Variants in ANGPTL7 observed in about 807,000 individuals in gnomAD.
ANGPTL7 encodes angiopoietin-related protein 7.
In ANGPTL7, 37 loss-of-function variants were observed where a neutral mutation model predicts 38.8. That is an observed-to-expected ratio of 0.95 (90% CI 0.73 to 1.25). The LOEUF (loss-of-function observed/expected upper bound fraction) is 1.25. ANGPTL7 is among the 50% of genes most tolerant of loss of function. ANGPTL7 has a pLI of 0.00. For synonymous variants in ANGPTL7, 166 were observed against 163.2 expected, an observed-to-expected ratio of 1.02 and a Z score of -0.13; for missense variants, 427 against 438.6, an observed-to-expected ratio of 0.97 and a Z score of 0.24.
At chr1:11,190,439 G>A (rs1285701347) in intron 1 of ANGPTL7, among the ~76,000 whole-genome samples, 1 of 152,248 alleles carries the variant, frequency 6.6e-6, no homozygotes, top group African/African-American at 2.4e-5. Context: ...CTCTGTAAAC[G>A]TAACTCTTCT....
intron 2 of ANGPTL7, 61 bp from the exon 3 acceptor site, chr1:11,193,519 C>G (rs1645634310): frequency 4.1e-6 from 6 of 1,475,988 alleles, no homozygotes; most frequent in Non-Finnish European, 5.5e-6. Context: ...GGGAAGCCTG[C>G]CCTCTTGCTC....
chr1:11,193,811 T>C, intron 3 of ANGPTL7, 37 bp downstream of exon 3: 4 of 1,607,268 alleles, frequency 2.5e-6, no homozygotes, highest in Non-Finnish European at 3.4e-6. Flanking sequence ...ACTGGACCAG[T>C]GCCACCACAC....
chr1:11,194,390 G>A, intron 3 of ANGPTL7, 71 bp from the exon 4 acceptor site: 1 of 1,439,376 alleles, frequency 6.9e-7, no homozygotes, highest in Non-Finnish European at 9.8e-7. Flanking sequence ...ACTGTCAGGA[G>A]AGAAGGGGTA....
At position 11,189,828 on chromosome 1, in the gene ANGPTL7, G is replaced by C; in HGVS notation, c.249G>C (p.Glu83Asp). The change falls in exon 1 of 5, where the codon GAG (glutamate) becomes GAC (aspartate). Residue 83 changes from glutamate to aspartate, a missense_variant. Glu to Asp is a conservative substitution (Grantham distance 45). Transcript: ENST00000376819. ...TCAGCGTGGTCATGCAGGTGATGGAGCTGGAGAGCAACAGCAAGCGCATGG... is the reference window on the plus strand; with the variant it reads ...TCAGCGTGGTCATGCAGGTGATGGACCTGGAGAGCAACAGCAAGCGCATGG... ...DWVSVVMQVM[E>D]LESNSKRMES... The C allele has an allele frequency of 6.2e-7, 1 of 1,614,236 alleles. No homozygotes were observed. The highest frequency in any genetic ancestry group is 1.3e-5 in the African/African-American group (1 of 75,058).
intron 1 of ANGPTL7, among the ~76,000 whole-genome samples, chr1:11,191,397 A>G (rs1299969278): frequency 6.6e-6 from 1 of 152,084 alleles, no homozygotes; most frequent in African/African-American, 2.4e-5. Flanking sequence ...TCTGCAAGAG[A>G]ACCTATGTGC....
intron 3 of ANGPTL7, among the ~76,000 whole-genome samples, 185 bp downstream of exon 3, chr1:11,193,959 C>T (rs1271826089): frequency 6.6e-6 from 1 of 152,154 alleles, no homozygotes; most frequent in African/African-American, 2.4e-5. Flanking sequence ...ACCCCCCCAA[C>T]CCCCCGACAA....
chr1:11,194,329 G>A (rs895208641), intron 3 of ANGPTL7, 132 bp from the exon 4 acceptor site: 10 of 851,482 alleles, frequency 1.2e-5, no homozygotes, highest in African/African-American at 1.7e-5. Context: ...AGGTAAACAA[G>A]TAATAAAGTC....
chr1:11,190,459 A>T (rs1645483008), intron 1 of ANGPTL7, among the ~76,000 whole-genome samples: 1 of 152,224 alleles, frequency 6.6e-6, no homozygotes. Context: ...TCATTGGCTC[A>T]GAGTTAAGTG....
chr1:11,195,171 C>CA lies in ANGPTL7; in HGVS notation c.*155dup. 1 of 882,702 alleles carries CA rather than the reference C, an allele frequency of 1.1e-6. No individual in the cohort carries two copies. Among genetic ancestry groups the CA allele is most frequent in the Non-Finnish European group, 1.7e-6 (1 of 588,306 alleles). 54.7% of individuals were successfully genotyped at this position (882,702 alleles called of 1,614,324 possible). The stretch of plus-strand genomic sequence containing the variant: ...AGAAAGAATAAGTCTCCAAGGAGCA[C>CA]AAAAAAATCATATGTACCAAGGATG... On this transcript the variant is annotated 3_prime_UTR_variant, in exon 5 of 5. Coordinates refer to ENST00000376819, the MANE Select transcript of ANGPTL7 (RefSeq NM_021146.4).
rs1189491177 is a variant in ANGPTL7, at chr1:11,193,763, G to A, written c.661G>A (p.Val221Ile). Residue 221 changes from valine to isoleucine, a missense_variant, in exon 3 of 5, where the codon GTA becomes ATA. By Grantham distance (29) the Val-to-Ile change is conservative. Coordinates refer to ENST00000376819, the MANE Select transcript of ANGPTL7 (RefSeq NM_021146.4). ...RLSRQPTRLRVEMEDWEGNLR... is the reference protein window; with the variant it reads ...RLSRQPTRLRIEMEDWEGNLR... ...CTCCAGACAGCCAACCCGGCTGCGT[G>A]TAGAGATGGAGGTAAGCACAAGGCC... is the stretch of plus-strand genomic sequence containing the variant. 3.7e-6 allele frequency: 6 copies of A among 1,614,046 alleles called. No homozygotes were observed. In the East Asian group the frequency reaches 1.1e-4, roughly 30 times the overall value.
rs1282193430 is a variant in ANGPTL7, at chr1:11,194,619, C to A, written c.831C>A (p.Asp277Glu). 7 of 1,614,058 alleles carry A rather than the reference C, an allele frequency of 4.3e-6. No individual in the cohort carries two copies. Among genetic ancestry groups the A allele is most frequent in the Non-Finnish European group, 5.9e-6 (7 of 1,180,036 alleles). The change falls in exon 4 of 5, where the codon GAC becomes GAA. Residue 277 changes from aspartate to glutamate, a missense_variant. Transcript: ENST00000376819. Reference sequence around the variant, plus strand: ...CAGCCTTCAGCACCAAGGACAAGGACAATGACAACTGCTTGGACAAGTGTG... The same window carrying A: ...CAGCCTTCAGCACCAAGGACAAGGAAAATGACAACTGCTTGGACAAGTGTG... The part of the protein sequence containing the change: ...NNTAFSTKDK[D>E]NDNCLDKCAQ...
intron 1 of ANGPTL7, among the ~76,000 whole-genome samples, chr1:11,191,243 A>G (rs1309128681): frequency 6.6e-6 from 1 of 152,142 alleles, no homozygotes; most frequent in Non-Finnish European, 1.5e-5. Context: ...TTTCTTCTCT[A>G]TGACCAAGTG....
In ANGPTL7 at chr1:11,189,675, C is replaced by T; in HGVS notation, c.96C>T (p.His32=). The change falls in exon 1 of 5, where the codon CAC becomes CAT. Residue 32 remains histidine, a synonymous_variant. Transcript: ENST00000376819. ...CGTGGCTGCAGAAGCTCTCTAAGCA[C>T]AAGACACCAGCACAGCCACAGCTCA... The part of the protein sequence containing the change: ...HPAWLQKLSK[H]KTPAQPQLKA... 1.2e-6 allele frequency: 2 copies of T among 1,614,188 alleles called. No individual in the cohort carries two copies. Among genetic ancestry groups the T allele is most frequent in the South Asian group, 1.1e-5 (1 of 91,090 alleles).
At chr1:11,191,417 C>T (rs28990996) in intron 1 of ANGPTL7, among the ~76,000 whole-genome samples, 1 of 152,164 alleles carries the variant, frequency 6.6e-6, no homozygotes. Flanking sequence ...CCTCAGACAA[C>T]TCCCATCTGC....
intron 4 of ANGPTL7, 53 bp from the exon 5 acceptor site, chr1:11,194,801 T>C (rs951928385): frequency 1.9e-6 from 3 of 1,606,256 alleles, no homozygotes; most frequent in Admixed American, 1.7e-5. Flanking sequence ...CCTTACCTGA[T>C]GTCTGGTCTA....
intron 1 of ANGPTL7, among the ~76,000 whole-genome samples, chr1:11,190,996 A>C (rs1276777377): frequency 6.6e-6 from 1 of 152,234 alleles, no homozygotes; most frequent in African/African-American, 2.4e-5. Flanking sequence ...CCGGGCCCTC[A>C]GTTTGGGATT....
Position 11,189,501 on chromosome 1 carries a change from G to A in ANGPTL7, c.-79G>A. The A allele has an allele frequency of 6.7e-7, 1 of 1,484,932 alleles. No individual in the cohort carries two copies. Among genetic ancestry groups the A allele is most frequent in the Non-Finnish European group, 9.0e-7 (1 of 1,111,396 alleles). 92.0% of individuals were successfully genotyped at this position (1,484,932 alleles called of 1,614,324 possible). On this transcript the variant is annotated 5_prime_UTR_variant, in exon 1 of 5. Transcript: ENST00000376819. ...TGAAAGCGTAAGGTTCAGTCAGCCT[G>A]CTGCAGCTTTGCAGACCTCAGCTGG... is the stretch of plus-strand genomic sequence containing the variant.
rs1055376107 is a variant in ANGPTL7 at position 11,193,630 on chromosome 1, A to T, written c.528A>T (p.Arg176Ser). Residue 176 changes from arginine (R) to serine (S), a missense_variant, in exon 3 of 5, where the codon AGA becomes AGT. Transcript: ENST00000376819. ...TSGGGWTIIQ[R>S]RKSGLVSFYR... The stretch of plus-strand genomic sequence containing the variant: ...GCGGAGGCTGGACCATCATCCAGAG[A>T]CGAAAAAGTGGCCTTGTCTCCTTCT... 4 of 1,612,758 alleles carry T rather than the reference A, an allele frequency of 2.5e-6. No individual in the cohort carries two copies. In the African/African-American group the frequency reaches 4.0e-5, roughly 16 times the overall value.
In ANGPTL7 at chr1:11,189,736, A is replaced by G. The variant is rs1645451905; in HGVS notation, c.157A>G (p.Lys53Glu). ...ANCCEEVKEL[K>E]AQVANLSSLL... is the part of the protein sequence containing the mutation. ...CTGCTGTGAGGAGGTGAAGGAGCTC[A>G]AGGCCCAAGTTGCCAACCTTAGCAG... The change falls in exon 1 of 5, where the codon AAG (lysine) becomes GAG (glutamate). Residue 53 changes from lysine (K) to glutamate (E), a missense_variant. By Grantham distance (56) the Lys-to-Glu change is moderately conservative. Coordinates refer to ENST00000376819, the MANE Select transcript of ANGPTL7 (RefSeq NM_021146.4). 6.2e-7 allele frequency: 1 copy of G among 1,614,076 alleles called. No individual in the cohort carries two copies. The highest frequency in any genetic ancestry group is 2.2e-5 in the East Asian group (1 of 44,864).
Sources: gnomAD v4.1 joint callset for allele counts (sites outside exome capture counted in the v4.1 genomes callset) on GRCh38, gnomAD v4.1.1 for gene constraint, MANE v1.5 for transcripts, NCBI Gene and HGNC (gene_info 2026-07-23, HGNC 2026-07-21) for gene names.